KIF26B: variants seen among roughly 807,000 people sequenced by gnomAD.
KIF26B encodes kinesin-like protein KIF26B.
In KIF26B, 63 loss-of-function variants were observed where a neutral mutation model predicts 151.2. That is an observed-to-expected ratio of 0.42 (90% CI 0.34 to 0.51). KIF26B has a LOEUF of 0.51. Ranked by LOEUF, KIF26B falls within the 20% of genes least tolerant of loss-of-function variation. KIF26B has a pLI of 0.07. For missense variants in KIF26B, 2,813 were observed against 2,913.6 expected (o/e 0.97, Z 0.79); for synonymous variants, 1,357 against 1,262.1 (o/e 1.08, Z -1.59).
chr1:245,316,874 A>G (rs446892), intron 2 of KIF26B, among the ~76,000 whole-genome samples: 1 of 113,248 alleles, frequency 8.8e-6, no homozygotes. Context: ...AAAAACCTGC[A>G]TTTTGTGTGT....
intron 2 of KIF26B, among the ~76,000 whole-genome samples, chr1:245,223,024 C>G (rs931521917): frequency 4.6e-5 from 7 of 152,130 alleles, no homozygotes; most frequent in African/African-American, 1.7e-4. Flanking sequence ...CAGTCCTCAG[C>G]TTGGGGTGAT....
At chr1:245,622,205 A>G (rs367718551) in intron 9 of KIF26B, among the ~76,000 whole-genome samples, 1 of 152,222 alleles carries the variant, frequency 6.6e-6, no homozygotes, top group African/African-American at 2.4e-5. Flanking sequence ...GTGACACATT[A>G]TATCTTCCCC....
chr1:245,252,205 G>A (rs1670457223), intron 2 of KIF26B, among the ~76,000 whole-genome samples: 2 of 150,342 alleles, frequency 1.3e-5, no homozygotes, highest in Admixed American at 1.3e-4. Context: ...GAGCCCAGGA[G>A]TTTGAGGCTG....
At chr1:245,655,960 G>A (rs1045727796) in intron 10 of KIF26B, among the ~76,000 whole-genome samples, 6 of 152,144 alleles carry the variant, frequency 3.9e-5, no homozygotes, top group African/African-American at 1.4e-4. Flanking sequence ...GGTAGATTCT[G>A]GCCCAAAAGA....
chr1:245,307,535 T>C (rs1280225129), intron 2 of KIF26B, among the ~76,000 whole-genome samples: 1 of 152,212 alleles, frequency 6.6e-6, no homozygotes, highest in African/African-American at 2.4e-5. Flanking sequence ...ATTAAAAGTA[T>C]TTCAGATACA....
intron 1 of KIF26B, 75 bp from the exon 2 acceptor site, chr1:245,156,207 G>T: frequency 1.3e-6 from 2 of 1,493,724 alleles, no homozygotes; most frequent in Middle Eastern, 2.4e-4. Context: ...ACTTGGTGGC[G>T]CACGTATGAC....
At chr1:245,190,267 T>C (rs1478396729) in intron 2 of KIF26B, among the ~76,000 whole-genome samples, 2 of 152,214 alleles carry the variant, frequency 1.3e-5, no homozygotes, top group Non-Finnish European at 2.9e-5. Flanking sequence ...CTATGGGATG[T>C]TCCCCCGAGG....
intron 5 of KIF26B, among the ~76,000 whole-genome samples, chr1:245,569,808 C>G (rs1037541330): frequency 6.8e-6 from 1 of 148,028 alleles, no homozygotes; most frequent in African/African-American, 2.5e-5. Context: ...AACAAACAAA[C>G]AAACACCTTG....
Position 245,156,385 on chromosome 1 carries a change from C to T in KIF26B, c.167C>T (p.Pro56Leu). 1 of 1,542,706 alleles carries T rather than the reference C, an allele frequency of 6.5e-7. No individual in the cohort carries two copies. Among genetic ancestry groups the T allele is most frequent in the Non-Finnish European group, 8.7e-7 (1 of 1,144,418 alleles). Reference protein sequence around the residue: ...EESRAGSRPTPEGAGSALGSS... With the variant: ...EESRAGSRPTLEGAGSALGSS... ...TCGCGCGCCGGCAGCCGGCCCACTC[C>T]TGAGGGCGCGGGCTCAGCGCTCGGC... is the stretch of plus-strand genomic sequence containing the variant. Residue 56 changes from proline (P) to leucine (L), a missense_variant, in exon 2 of 15, where the codon CCT becomes CTT. Pro to Leu is a moderately conservative substitution (Grantham distance 98). Transcript: ENST00000407071.
At chr1:245,316,521 C>T (rs2102984983) in intron 2 of KIF26B, among the ~76,000 whole-genome samples, 1 of 152,140 alleles carries the variant, frequency 6.6e-6, no homozygotes, top group African/African-American at 2.4e-5. Context: ...GGTGAAAATC[C>T]ACCTCAATGA....
Position 245,344,407 on chromosome 1 carries a change from G to A in KIF26B, c.466-22427G>A, listed in dbSNP as rs575472299. ...CTGCTCGGGAGGCTGAGGCAGGAGA[G>A]TGGCGTGAACCCGGAGGGCGGAGCC... On this transcript the variant is annotated intron_variant, in intron 2 of 14. Transcript: ENST00000407071. Among the ~76,000 whole-genome samples, 70 of 150,692 alleles carry A rather than the reference G, an allele frequency of 4.6e-4. 1 individual carries two copies. Among genetic ancestry groups the A allele is most frequent in the East Asian group, 4.1e-3 (21 of 5,092 alleles).
chr1:245,576,068 C>G (rs902051496), intron 5 of KIF26B, among the ~76,000 whole-genome samples: 10 of 152,160 alleles, frequency 6.6e-5, no homozygotes, highest in Admixed American at 5.2e-4. Context: ...TCTTCAGACC[C>G]TGACCTTTGA....
At chr1:245,636,569 C>T (rs887432734) in intron 9 of KIF26B, among the ~76,000 whole-genome samples, 2 of 151,978 alleles carry the variant, frequency 1.3e-5, no homozygotes, top group African/African-American at 4.8e-5. Context: ...AGTTCTTCTA[C>T]TGTACTATTG....
rs546560700 is a variant in KIF26B at position 245,478,574 on chromosome 1, G to A, written c.1166+58829G>A. On this transcript the variant is annotated intron_variant, in intron 4 of 14. Coordinates refer to ENST00000407071, the MANE Select transcript of KIF26B (RefSeq NM_018012.4). ...TCCCGAGTAGCTGGGACTACACCAC[G>A]TCTGGCTAATTTTTTATATTTGTAG... Among the ~76,000 whole-genome samples, 1,099 of 151,428 alleles carry A rather than the reference G, an allele frequency of 7.3e-3. 39 individuals carry two copies. Among genetic ancestry groups the A allele is most frequent in the Non-Finnish European group, 0.013 (854 of 67,676 alleles).
chr1:245,399,129 A>C (rs1337338050), intron 3 of KIF26B, among the ~76,000 whole-genome samples: 1 of 152,216 alleles, frequency 6.6e-6, no homozygotes, highest in Non-Finnish European at 1.5e-5. Flanking sequence ...TGAGGGGTCC[A>C]GTCTAGGATC....
Position 245,688,506 on chromosome 1 carries a change from C to T in KIF26B, c.5523C>T (p.Pro1841=), listed in dbSNP as rs2147958609. The change falls in exon 12 of 15, where the codon CCC becomes CCT. Residue 1841 remains proline (P), a synonymous_variant. Coordinates refer to ENST00000407071, the MANE Select transcript of KIF26B (RefSeq NM_018012.4). ...GGGGGGCCCTGGCCGAGGACGAGCCCGCGGCCGCGCACCTGCTCCCGTCGC... is the reference window on the plus strand; with the variant it reads ...GGGGGGCCCTGGCCGAGGACGAGCCTGCGGCCGCGCACCTGCTCCCGTCGC... ...ARGGALAEDE[P]AAAHLLPSPY... is the part of the protein sequence containing the mutation. 2 of 1,491,392 alleles carry T rather than the reference C, an allele frequency of 1.3e-6. No homozygotes were observed. Among genetic ancestry groups the T allele is most frequent in the Non-Finnish European group, 8.9e-7 (1 of 1,127,072 alleles). The allele number at this position is 1,491,392 out of a possible 1,614,324, so 92.4% of individuals were successfully genotyped here. A position where few individuals can be genotyped will look rare whatever the true frequency, so the allele number is the denominator to read the frequency against.
intron 2 of KIF26B, among the ~76,000 whole-genome samples, chr1:245,248,071 A>G (rs1187640390): frequency 1.3e-5 from 2 of 151,988 alleles, no homozygotes; most frequent in Non-Finnish European, 1.5e-5. Context: ...TGGCTTCATT[A>G]TGCTCAACAG....
chr1:245,664,206 T>C (rs1182875047), intron 10 of KIF26B, among the ~76,000 whole-genome samples: 1 of 150,682 alleles, frequency 6.6e-6, no homozygotes, highest in East Asian at 1.9e-4. Flanking sequence ...CTGTCTCGAG[T>C]AAAAATACAA....
At chr1:245,311,470 G>A (rs1019018686) in intron 2 of KIF26B, among the ~76,000 whole-genome samples, 3 of 152,102 alleles carry the variant, frequency 2.0e-5, no homozygotes, top group African/African-American at 7.2e-5. Context: ...GGGTATGGTG[G>A]TTTGCTCCTG....
Sources: gnomAD v4.1 joint callset for allele counts (sites outside exome capture counted in the v4.1 genomes callset) on GRCh38, gnomAD v4.1.1 for gene constraint, MANE v1.5 for transcripts, NCBI Gene and HGNC (gene_info 2026-07-23, HGNC 2026-07-21) for gene names.